SAMD5: variants seen among roughly 807,000 people sequenced by gnomAD.
The protein encoded by SAMD5 is sterile alpha motif domain containing 5, also known as sterile alpha motif domain-containing protein 5.
A neutral mutation model predicts 11.3 loss-of-function variants in SAMD5; 13 were observed. That is an observed-to-expected ratio of 1.15 (90% confidence interval 0.75 to 1.83). The LOEUF is 1.83. SAMD5 is among the 40% of genes most tolerant of loss of function. SAMD5 has a pLI of 0.00. For missense variants in SAMD5, 255 were observed against 239.1 expected (o/e 1.07, Z -0.44); for synonymous variants, 129 against 111.3 (o/e 1.16, Z -1.00).
At chr6:147,943,642 GCTCCTCTCCCTAA>G in the SAMD5 span, among the ~76,000 whole-genome samples, 1 of 152,014 alleles carries the variant, frequency 6.6e-6, no homozygotes, top group Admixed American at 6.5e-5. Context: ...TCCTCCTTCT[GCTCCTCTCCCTAA>G]CTCCTCTCCT....
At chr6:147,630,709 A>G (rs1052823135) in intron 1 of SAMD5, among the ~76,000 whole-genome samples, 5 of 152,274 alleles carry the variant, frequency 3.3e-5, no homozygotes, top group Admixed American at 6.5e-5. Context: ...TATTGCTCAC[A>G]CAAAGCCTGT....
chr6:147,529,729 T>C (rs1289989382), intron 1 of SAMD5, among the ~76,000 whole-genome samples: 1 of 152,196 alleles, frequency 6.6e-6, no homozygotes, highest in Non-Finnish European at 1.5e-5. Context: ...TTATTAATGT[T>C]TTTCATACCA....
chr6:147,515,176 G>GTTTTTTTTTTTTTT (rs71031029), intron 1 of SAMD5, among the ~76,000 whole-genome samples: 3 of 75,020 alleles, frequency 4.0e-5, no homozygotes, highest in African/African-American at 4.9e-5. Flanking sequence ...ATCCTTCCAG[G>GTTTTTTTTTTTTTT]TTTTTTTTTT....
chr6:147,731,280 T>C (rs1372721613), intron 1 of SAMD5, among the ~76,000 whole-genome samples: 1 of 152,136 alleles, frequency 6.6e-6, no homozygotes, highest in Non-Finnish European at 1.5e-5. Flanking sequence ...GTGTCACAGG[T>C]GAGTGATGCT....
the SAMD5 span, among the ~76,000 whole-genome samples, chr6:147,882,878 C>A: frequency 6.6e-6 from 1 of 152,102 alleles, no homozygotes; most frequent in African/African-American, 2.4e-5. Flanking sequence ...TAATACAATA[C>A]CTGAAATTAC....
chr6:147,900,506 C>T, the SAMD5 span, among the ~76,000 whole-genome samples: 1 of 152,148 alleles, frequency 6.6e-6, no homozygotes, highest in South Asian at 2.1e-4. Flanking sequence ...ACAGGATTGC[C>T]CCAGCCCGTG....
intron 1 of SAMD5, among the ~76,000 whole-genome samples, chr6:147,520,322 T>C (rs1001079740): frequency 6.6e-6 from 1 of 152,134 alleles, no homozygotes; most frequent in African/African-American, 2.4e-5. Flanking sequence ...AATTTCACCA[T>C]GTTGGCCAGG....
chr6:147,886,278 C>T, the SAMD5 span, among the ~76,000 whole-genome samples: 31 of 152,264 alleles, frequency 2.0e-4, no homozygotes, highest in African/African-American at 7.0e-4. Flanking sequence ...CAGACCAAAA[C>T]AATGAAACAA....
intron 1 of SAMD5, among the ~76,000 whole-genome samples, chr6:147,580,421 C>T (rs547616579): frequency 6.6e-6 from 1 of 152,312 alleles, no homozygotes; most frequent in Admixed American, 6.5e-5. Context: ...CTGGGCTTTT[C>T]CTCTCTCATT....
At chr6:147,596,266 A>G (rs146023482) in intron 1 of SAMD5, among the ~76,000 whole-genome samples, 2 of 152,274 alleles carry the variant, frequency 1.3e-5, no homozygotes, top group African/African-American at 4.8e-5. Context: ...GCAATATATC[A>G]TAGTATAGAT....
the SAMD5 span, among the ~76,000 whole-genome samples, chr6:147,916,599 A>G: frequency 6.6e-6 from 1 of 152,016 alleles, no homozygotes; most frequent in African/African-American, 2.4e-5. Context: ...GTACATGTGT[A>G]CAATGTGCAG....
chr6:147,702,142 G>A (rs917530341), intron 1 of SAMD5, among the ~76,000 whole-genome samples: 101 of 152,324 alleles, frequency 6.6e-4, no homozygotes, highest in African/African-American at 2.2e-3. Context: ...TTACATGGTG[G>A]CAGGCAAGAG....
At chr6:147,613,859 G>A (rs9377064) in intron 1 of SAMD5, among the ~76,000 whole-genome samples, 39,263 of 151,578 alleles carry the variant, frequency 0.26, 6,078 homozygotes, top group African/African-American at 0.42. Flanking sequence ...TCTGTCCTCC[G>A]TGGCTCCGCC....
rs537092240 is a variant in SAMD5, at chr6:147,721,655, T to C, written c.163-15662T>C. Among the ~76,000 whole-genome samples, 30 of 152,328 alleles carry C rather than the reference T, an allele frequency of 2.0e-4. No homozygotes were observed. The South Asian group carries it at 5.4e-3, about 27-fold the overall frequency. On this transcript the variant is annotated intron_variant, in intron 1 of 1. Coordinates refer to the SAMD5 transcript ENST00000566741. The stretch of plus-strand genomic sequence containing the variant: ...TTTCTCCCATTTTGTAGGTTGCCTG[T>C]TTACTCTGATGGTAGTTTCTTTTGC...
the SAMD5 span, among the ~76,000 whole-genome samples, chr6:147,835,684 C>G: frequency 3.9e-5 from 6 of 152,092 alleles, no homozygotes; most frequent in Non-Finnish European, 8.8e-5. Context: ...CCGACAGCCC[C>G]CACATCGCTT....
At chr6:147,702,004 C>A (rs548274469) in intron 1 of SAMD5, among the ~76,000 whole-genome samples, 1 of 152,242 alleles carries the variant, frequency 6.6e-6, no homozygotes, top group South Asian at 2.1e-4. Flanking sequence ...TGTTCTCATG[C>A]TGCTAAAAAA....
At chr6:147,906,211 C>T in the SAMD5 span, among the ~76,000 whole-genome samples, 1 of 152,138 alleles carries the variant, frequency 6.6e-6, no homozygotes, top group Non-Finnish European at 1.5e-5. Context: ...ACTTTTTTCT[C>T]TATTTTGATT....
At chr6:147,909,858 T>C in the SAMD5 span, among the ~76,000 whole-genome samples, 12 of 152,126 alleles carry the variant, frequency 7.9e-5, no homozygotes, top group Non-Finnish European at 1.5e-4. Context: ...CTCCCAGGAA[T>C]GCCCATTCAG....
the SAMD5 span, among the ~76,000 whole-genome samples, chr6:147,776,643 T>C: frequency 6.6e-6 from 1 of 152,222 alleles, no homozygotes; most frequent in Non-Finnish European, 1.5e-5. Flanking sequence ...TTTTCTCCCC[T>C]ACCATCTTAA....
Sources: gnomAD v4.1 joint callset for allele counts (sites outside exome capture counted in the v4.1 genomes callset) on GRCh38, gnomAD v4.1.1 for gene constraint, MANE v1.5 for transcripts, NCBI Gene and HGNC (gene_info 2026-07-23, HGNC 2026-07-21) for gene names.